GPC6: variants seen among roughly 807,000 people sequenced by gnomAD.
GPC6 encodes glypican-6.
A neutral mutation model predicts 55.2 loss-of-function variants in GPC6; 14 were observed. That is an observed-to-expected ratio of 0.25 (90% CI 0.17 to 0.40). The LOEUF is 0.40. GPC6 is among the 10% of genes least tolerant of loss of function. The pLI, the probability that GPC6 is intolerant of heterozygous loss-of-function variation, is 1.00. For missense variants in GPC6, 641 were observed against 708.5 expected, an observed-to-expected ratio of 0.90 and a Z score of 1.08; for synonymous variants, 278 against 259.6, an observed-to-expected ratio of 1.07 and a Z score of -0.68.
At chr13:94,185,357 G>T (rs1889138886) in intron 4 of GPC6, among the ~76,000 whole-genome samples, 1 of 151,754 alleles carries the variant, frequency 6.6e-6, no homozygotes, top group Non-Finnish European at 1.5e-5. Context: ...AGTCCTTTAG[G>T]TATCATCCTT....
At chr13:93,453,490 C>T (rs1878306195) in intron 1 of GPC6, among the ~76,000 whole-genome samples, 1 of 141,700 alleles carries the variant, frequency 7.1e-6, no homozygotes, top group African/African-American at 2.6e-5. Flanking sequence ...AGTATTGTGT[C>T]CGGAATTGGT....
chr13:93,586,650 C>T (rs1265960488), intron 2 of GPC6, among the ~76,000 whole-genome samples: 1 of 152,160 alleles, frequency 6.6e-6, no homozygotes, highest in Non-Finnish European at 1.5e-5. Context: ...AAACCTCAAA[C>T]TGTATAAAAA....
At chr13:94,137,625 G>C (rs777320193) in intron 4 of GPC6, among the ~76,000 whole-genome samples, 74 of 152,164 alleles carry the variant, frequency 4.9e-4, no homozygotes, top group Admixed American at 9.2e-4. Context: ...ATACTGTGAT[G>C]GTTGCTATAT....
intron 2 of GPC6, among the ~76,000 whole-genome samples, chr13:93,741,186 C>T (rs1263554626): frequency 1.6e-5 from 2 of 127,750 alleles, no homozygotes; most frequent in Non-Finnish European, 3.2e-5. Context: ...TGCATCTGGG[C>T]TCACTGCAAG....
chr13:93,423,110 G>T (rs1394555650), intron 1 of GPC6, among the ~76,000 whole-genome samples: 1 of 152,126 alleles, frequency 6.6e-6, no homozygotes, highest in African/African-American at 2.4e-5. Context: ...ACCTCTTTCA[G>T]AGTCCCTATA....
intron 6 of GPC6, among the ~76,000 whole-genome samples, chr13:94,361,418 C>T (rs1000950892): frequency 3.9e-5 from 6 of 152,206 alleles, no homozygotes; most frequent in African/African-American, 1.4e-4. Context: ...CTACAAATTA[C>T]GTAGCTGATC....
intron 1 of GPC6, among the ~76,000 whole-genome samples, chr13:93,410,129 A>T (rs2139243542): frequency 6.6e-6 from 1 of 152,266 alleles, no homozygotes; most frequent in Non-Finnish European, 1.5e-5. Flanking sequence ...GTACTATTGG[A>T]TTTAATATCT....
chr13:93,254,892 A>G (rs1171494548), intron 1 of GPC6, among the ~76,000 whole-genome samples: 6 of 152,268 alleles, frequency 3.9e-5, no homozygotes, highest in Admixed American at 3.9e-4. Flanking sequence ...GTAGCTTAAC[A>G]GAGATTTAGC....
intron 2 of GPC6, among the ~76,000 whole-genome samples, chr13:93,721,365 A>G (rs1883449668): frequency 6.6e-6 from 1 of 151,730 alleles, no homozygotes; most frequent in African/African-American, 2.4e-5. Flanking sequence ...TATTATTATT[A>G]AAAGGAACAA....
At chr13:93,260,916 A>G (rs535834735) in intron 1 of GPC6, among the ~76,000 whole-genome samples, 2 of 152,196 alleles carry the variant, frequency 1.3e-5, no homozygotes, top group African/African-American at 2.4e-5. Flanking sequence ...GTAGTTCAGT[A>G]TTGGTTTAAT....
intron 4 of GPC6, among the ~76,000 whole-genome samples, chr13:94,105,973 G>A (rs1423425989): frequency 2.9e-5 from 4 of 136,878 alleles, no homozygotes; most frequent in African/African-American, 8.3e-5. Flanking sequence ...TAGCTCCCAC[G>A]ACCAAGAGTT....
At chr13:94,363,389 A>G (rs1879145506) in intron 6 of GPC6, among the ~76,000 whole-genome samples, 1 of 152,190 alleles carries the variant, frequency 6.6e-6, no homozygotes, top group African/African-American at 2.4e-5. Context: ...ACAGACTTCT[A>G]CTGTAACCTA....
At chr13:93,236,436 C>T (rs1301593772) in intron 1 of GPC6, among the ~76,000 whole-genome samples, 1 of 152,082 alleles carries the variant, frequency 6.6e-6, no homozygotes, top group Non-Finnish European at 1.5e-5. Flanking sequence ...GGATCCCCAA[C>T]CCCCAGGCCA....
chr13:93,654,222 T>A (rs1288169178), intron 2 of GPC6, among the ~76,000 whole-genome samples: 1 of 152,150 alleles, frequency 6.6e-6, no homozygotes, highest in Non-Finnish European at 1.5e-5. Flanking sequence ...AAGTGATTAG[T>A]TTTTGCACTT....
At chr13:94,365,395 C>T (rs773192862) in intron 6 of GPC6, among the ~76,000 whole-genome samples, 2 of 152,108 alleles carry the variant, frequency 1.3e-5, no homozygotes, top group Non-Finnish European at 2.9e-5. Context: ...TGAACTCGAA[C>T]CAGTTCCCAG....
chr13:93,431,007 T>C (rs1324289716), intron 1 of GPC6, among the ~76,000 whole-genome samples: 5 of 152,048 alleles, frequency 3.3e-5, no homozygotes, highest in Non-Finnish European at 5.9e-5. Flanking sequence ...TATTAAAAGA[T>C]TCTACCATTA....
At chr13:93,812,997 G>C (rs1240977405) in intron 2 of GPC6, among the ~76,000 whole-genome samples, 1 of 152,122 alleles carries the variant, frequency 6.6e-6, no homozygotes, top group Non-Finnish European at 1.5e-5. Context: ...GTAAATAATC[G>C]TATTCAGAGG....
intron 1 of GPC6, among the ~76,000 whole-genome samples, chr13:93,473,794 C>T (rs1033700248): frequency 1.3e-5 from 2 of 152,192 alleles, no homozygotes; most frequent in African/African-American, 4.8e-5. Context: ...CCTGTGTCCT[C>T]CCCACAGCAG....
At chr13:93,273,681 A>G (rs1877628352) in intron 1 of GPC6, among the ~76,000 whole-genome samples, 1 of 152,138 alleles carries the variant, frequency 6.6e-6, no homozygotes, top group Non-Finnish European at 1.5e-5. Flanking sequence ...ACAAACAAGT[A>G]CTGTACATGT....
Sources: gnomAD v4.1 joint callset for allele counts (sites outside exome capture counted in the v4.1 genomes callset) on GRCh38, gnomAD v4.1.1 for gene constraint, MANE v1.5 for transcripts, NCBI Gene and HGNC (gene_info 2026-07-23, HGNC 2026-07-21) for gene names.